Variants in XKR4 observed in about 807,000 individuals in gnomAD.
XKR4 encodes XK related 4, also known as XK-related protein 4.
A neutral mutation model predicts 53.9 loss-of-function variants in XKR4; 12 were observed. The ratio of observed to expected loss-of-function variants is 0.22; its 90% confidence interval spans 0.14 to 0.36. XKR4 has a LOEUF of 0.36. Ranked by LOEUF, XKR4 falls within the 10% of genes least tolerant of loss-of-function variation. The probability of loss-of-function intolerance (pLI) is 1.00; values close to 1 mark genes in which losing one functional copy is unlikely to be tolerated. For missense variants in XKR4, 799 were observed against 859.5 expected, an observed-to-expected ratio of 0.93 and a Z score of 0.88; for synonymous variants, 354 against 362.4, an observed-to-expected ratio of 0.98 and a Z score of 0.26.
At chr8:55,383,208 G>A (rs1217051386) in intron 2 of XKR4, among the ~76,000 whole-genome samples, 5 of 152,136 alleles carry the variant, frequency 3.3e-5, no homozygotes, top group Admixed American at 6.5e-5. Flanking sequence ...GGGAGACTCC[G>A]TCTCAAAAAA....
intron 1 of XKR4, among the ~76,000 whole-genome samples, chr8:55,120,517 A>G (rs564824366): frequency 6.6e-6 from 1 of 152,052 alleles, no homozygotes; most frequent in African/African-American, 2.4e-5. Flanking sequence ...TATTCTTAAG[A>G]AAATGGTACT....
At chr8:55,255,653 A>T (rs1277046272) in intron 1 of XKR4, among the ~76,000 whole-genome samples, 14 of 152,174 alleles carry the variant, frequency 9.2e-5, no homozygotes, top group Admixed American at 9.2e-4. Context: ...CTGCACACAT[A>T]CAAATGTACA....
intron 2 of XKR4, among the ~76,000 whole-genome samples, chr8:55,460,498 G>T (rs962354015): frequency 6.6e-6 from 1 of 152,152 alleles, no homozygotes; most frequent in African/African-American, 2.4e-5. Context: ...AGTATGGGAG[G>T]GTGGAGCCAA....
chr8:55,255,969 G>T (rs1188604537), intron 1 of XKR4, among the ~76,000 whole-genome samples: 2 of 151,360 alleles, frequency 1.3e-5, no homozygotes, highest in Non-Finnish European at 2.9e-5. Context: ...AGGGAGATTT[G>T]TGCAATGATA....
chr8:55,382,637 G>C (rs140382989), intron 2 of XKR4, among the ~76,000 whole-genome samples: 1,994 of 152,242 alleles, frequency 0.013, 49 homozygotes, highest in African/African-American at 0.045. Flanking sequence ...GCATCTTAAG[G>C]GGGGGAAATT....
intron 1 of XKR4, 66 bp from the exon 2 acceptor site, chr8:55,357,612 C>A (rs889887126): frequency 3.8e-6 from 6 of 1,565,732 alleles, no homozygotes; most frequent in Admixed American, 3.4e-5. Context: ...AAAAGAACAA[C>A]CCTGGAGTTT....
rs117203382 is a variant in XKR4, at chr8:55,490,232, C to T, written c.1007-33049C>T. Among the ~76,000 whole-genome samples the T allele has an allele frequency of 8.8e-3, 1,335 of 152,244 alleles. 11 individuals are homozygous for T. Among genetic ancestry groups the T allele is most frequent in the Middle Eastern group, 0.02 (6 of 294 alleles). Reference sequence around the variant, plus strand: ...ATGCGGTACCTATACCCATGGAATACTATGCAGCCATAAAAAAGAATAAAA... The same window carrying T: ...ATGCGGTACCTATACCCATGGAATATTATGCAGCCATAAAAAAGAATAAAA... On this transcript the variant is annotated intron_variant, in intron 2 of 2. Transcript: ENST00000327381.
At chr8:55,514,437 AAT>A (rs1402245321) in intron 2 of XKR4, among the ~76,000 whole-genome samples, 3 of 151,964 alleles carry the variant, frequency 2.0e-5, no homozygotes, top group Non-Finnish European at 4.4e-5. Flanking sequence ...TTGTATTTTT[AAT>A]AGAGACGGGG....
intron 2 of XKR4, among the ~76,000 whole-genome samples, chr8:55,366,642 G>T (rs1438924319): frequency 6.6e-6 from 1 of 152,128 alleles, no homozygotes; most frequent in Non-Finnish European, 1.5e-5. Flanking sequence ...TTCTTAACCT[G>T]ATTTCAGTAA....
chr8:55,470,876 T>C (rs538728463), intron 2 of XKR4, among the ~76,000 whole-genome samples: 5 of 152,136 alleles, frequency 3.3e-5, no homozygotes, highest in African/African-American at 1.2e-4. Context: ...TATTAAATAT[T>C]TCAGCCAAGA....
chr8:55,382,858 A>G (rs2129387706), intron 2 of XKR4, among the ~76,000 whole-genome samples: 1 of 152,278 alleles, frequency 6.6e-6, no homozygotes. Context: ...GGAGAGTCCA[A>G]TGTGTAGATA....
chr8:55,267,452 T>G (rs191492763), intron 1 of XKR4, among the ~76,000 whole-genome samples: 27 of 152,196 alleles, frequency 1.8e-4, no homozygotes, highest in Non-Finnish European at 3.7e-4. Flanking sequence ...CTTAAATGAC[T>G]GTCTCAAGGC....
chr8:55,453,758 C>A, intron 2 of XKR4: 1 of 389,528 alleles, frequency 2.6e-6, no homozygotes, highest in Non-Finnish European at 5.0e-6. Flanking sequence ...CTTGTTCTTG[C>A]AGAGCTGCTC....
chr8:55,365,564 G>A (rs1451900125), intron 2 of XKR4, among the ~76,000 whole-genome samples: 1 of 152,020 alleles, frequency 6.6e-6, no homozygotes. Flanking sequence ...AAAATTAGCC[G>A]GGCATGGTGG....
At chr8:55,470,332 T>G (rs539722085) in intron 2 of XKR4, among the ~76,000 whole-genome samples, 1 of 152,118 alleles carries the variant, frequency 6.6e-6, no homozygotes, top group East Asian at 1.9e-4. Flanking sequence ...TCCCTCATGT[T>G]GTGGGAGGGA....
intron 1 of XKR4, among the ~76,000 whole-genome samples, chr8:55,342,243 G>T (rs1470119767): frequency 6.6e-6 from 1 of 151,864 alleles, no homozygotes. Context: ...GTGTAACATG[G>T]TCACAAATCC....
intron 2 of XKR4, among the ~76,000 whole-genome samples, chr8:55,391,354 C>T (rs1305318424): frequency 1.3e-5 from 2 of 152,146 alleles, no homozygotes; most frequent in African/African-American, 2.4e-5. Context: ...TTGGAATCAG[C>T]CCAAATGTCC....
chr8:55,451,792 T>C, intron 2 of XKR4: 1 of 1,017,278 alleles, frequency 9.8e-7, no homozygotes, highest in Non-Finnish European at 1.5e-6. Flanking sequence ...AAGGCACTGA[T>C]AGTCGCGGCA....
At chr8:55,253,905 G>C (rs1383368169) in intron 1 of XKR4, among the ~76,000 whole-genome samples, 1 of 151,782 alleles carries the variant, frequency 6.6e-6, no homozygotes, top group Non-Finnish European at 1.5e-5. Context: ...GTTTCTTGTG[G>C]AGGCAGAGTT....
Sources: allele counts gnomAD v4.1 joint callset (sites outside exome capture counted in the v4.1 genomes callset), GRCh38; gene constraint gnomAD v4.1.1; transcripts MANE v1.5; gene names NCBI Gene and HGNC (gene_info 2026-07-23, HGNC 2026-07-21).